Variants in AADACL4 observed in about 807,000 individuals in gnomAD.
The protein encoded by AADACL4 is arylacetamide deacetylase like 4.
AADACL4 carries 9 observed loss-of-function variants against 14.1 expected under a neutral mutation model. The ratio of observed to expected loss-of-function variants is 0.64; its 90% CI spans 0.39 to 1.12. AADACL4 has a LOEUF of 1.12. Ranked by LOEUF, AADACL4 falls within the 50% of genes most tolerant of loss-of-function variation. The pLI is 0.01. For missense variants in AADACL4, 531 were observed against 516.1 expected, an observed-to-expected ratio of 1.03 and a Z score of -0.28; for synonymous variants, 188 against 201.6, an observed-to-expected ratio of 0.93 and a Z score of 0.57.
Position 12,666,816 on chromosome 1 carries a change from T to C in AADACL4, c.*81T>C, listed in dbSNP as rs1465379884. The stretch of plus-strand genomic sequence containing the variant: ...GGGTGCTTTAGTGAGTTCTATTTTA[T>C]TGACTAAAGAGGTGCTACATCAATG... On this transcript the variant is annotated 3_prime_UTR_variant, in exon 4 of 4. Coordinates refer to ENST00000376221, the MANE Select transcript of AADACL4 (RefSeq NM_001013630.2). 1 of 1,384,134 alleles carries C rather than the reference T, an allele frequency of 7.2e-7. No individual in the cohort carries two copies. Among genetic ancestry groups the C allele is most frequent in the Non-Finnish European group, 9.7e-7 (1 of 1,025,878 alleles). The allele number at this position is 1,384,134 out of a possible 1,614,324, so 85.7% of individuals were successfully genotyped here.
At chr1:12,657,842 G>A (rs3010938) in intron 2 of AADACL4, among the ~76,000 whole-genome samples, 4,639 of 152,148 alleles carry the variant, frequency 0.03, 209 homozygotes, top group African/African-American at 0.1. Context: ...GGTCAAATCC[G>A]GTGCCATGTT....
chr1:12,647,523 G>A (rs1385155599), intron 1 of AADACL4, among the ~76,000 whole-genome samples: 1 of 152,168 alleles, frequency 6.6e-6, no homozygotes, highest in African/African-American at 2.4e-5. Context: ...TGCTTATCAA[G>A]TCCCTGAAGG....
chr1:12,651,431 C>T, intron 2 of AADACL4, 92 bp downstream of exon 2: 1 of 1,319,058 alleles, frequency 7.6e-7, no homozygotes, highest in South Asian at 1.3e-5. Context: ...TCTACAGTAG[C>T]TTAAAGGAAT....
At chr1:12,646,166 G>C (rs1647109951) in intron 1 of AADACL4, among the ~76,000 whole-genome samples, 1 of 152,184 alleles carries the variant, frequency 6.6e-6, no homozygotes, top group Admixed American at 6.5e-5. Context: ...AGCTGTGGAG[G>C]AGGATGAGGA....
chr1:12,665,976 T>G lies in AADACL4; in HGVS notation c.465T>G (p.Pro155=). The G allele has an allele frequency of 3.1e-6, 5 of 1,607,360 alleles. No individual in the cohort carries two copies. The highest frequency in any genetic ancestry group is 4.3e-6 in the Non-Finnish European group (5 of 1,175,020). Residue 155 remains proline, a synonymous_variant, in exon 4 of 4, where the codon CCT becomes CCG. Coordinates refer to ENST00000376221, the MANE Select transcript of AADACL4 (RefSeq NM_001013630.2). ...VLLMIGYRKL[P]DHHSPALFQD... The stretch of plus-strand genomic sequence containing the variant: ...TTCGTTTTAGGTACCGCAAGCTTCC[T>G]GACCACCATTCCCCTGCCCTTTTCC...
Position 12,651,237 on chromosome 1 carries a change from G to A in AADACL4, c.283G>A (p.Gly95Arg), listed in dbSNP as rs752009904. The A allele has an allele frequency of 1.9e-6, 3 of 1,614,206 alleles. No homozygotes were observed. Among genetic ancestry groups the A allele is most frequent in the Non-Finnish European group, 1.7e-6 (2 of 1,180,050 alleles). ...PELVVTDLRF[G>R]TIPVRLFQPK... ...ACTTGTGGTGACCGACCTGCGTTTT[G>A]GGACGATACCCGTGAGGCTGTTCCA... is the stretch of plus-strand genomic sequence containing the variant. The change falls in exon 2 of 4, where the codon GGG (glycine) becomes AGG (arginine). Residue 95 changes from glycine (G) to arginine (R), a missense_variant. Transcript: ENST00000376221.
At chr1:12,658,824 C>T (rs1647204637) in intron 2 of AADACL4, among the ~76,000 whole-genome samples, 1 of 152,112 alleles carries the variant, frequency 6.6e-6, no homozygotes, top group African/African-American at 2.4e-5. Flanking sequence ...TGTTAATTTT[C>T]TTCAGGTACT....
Position 12,651,108 on chromosome 1 carries a change from T to A in AADACL4, c.169-15T>A. On this transcript the variant is annotated splice_polypyrimidine_tract_variant and intron_variant, in intron 1 of 3. Transcript: ENST00000376221. ...CCTCTCCTAACGTCTGGCTTTCTTT[T>A]GTTACCTCCAACAGGGGAATATATT... 1 of 1,611,932 alleles carries A rather than the reference T, an allele frequency of 6.2e-7. No homozygotes were observed. Among genetic ancestry groups the A allele is most frequent in the Non-Finnish European group, 8.5e-7 (1 of 1,178,132 alleles).
intron 1 of AADACL4, among the ~76,000 whole-genome samples, chr1:12,645,617 A>G (rs1434506926): frequency 6.6e-6 from 1 of 151,976 alleles, no homozygotes; most frequent in Admixed American, 6.6e-5. Context: ...ATCATGGCTC[A>G]GTGCAGCCTC....
chr1:12,654,624 G>C (rs1337469387), intron 2 of AADACL4, among the ~76,000 whole-genome samples: 3 of 152,170 alleles, frequency 2.0e-5, no homozygotes, highest in African/African-American at 7.2e-5. Context: ...GGTTCAGTCA[G>C]GCTGGTGGGA....
chr1:12,661,751 C>T (rs773761962), intron 2 of AADACL4, 40 bp from the exon 3 acceptor site: 2 of 1,598,972 alleles, frequency 1.3e-6, no homozygotes, highest in Non-Finnish European at 1.7e-6. Flanking sequence ...GGTTTGGGTC[C>T]TACTCATGCG....
intron 2 of AADACL4, among the ~76,000 whole-genome samples, chr1:12,653,109 C>A (rs916236721): frequency 1.3e-5 from 2 of 152,126 alleles, no homozygotes; most frequent in Non-Finnish European, 2.9e-5. Context: ...CTTGGCCCCG[C>A]CTAGTGTAGG....
In AADACL4 at chr1:12,653,596, C is replaced by T. The variant is rs142034959; in HGVS notation, c.385+2257C>T. Among the ~76,000 whole-genome samples the T allele has an allele frequency of 4.6e-5, 7 of 152,330 alleles. No individual in the cohort carries two copies. The East Asian group carries it at 1.4e-3, about 29-fold the overall frequency. ...CCTTCTGAGTGGTTTATGCTCTGGT[C>T]CTGTTAGGGCCTCGTACAATGGCTT... On this transcript the variant is annotated intron_variant, in intron 2 of 3. Coordinates refer to ENST00000376221, the MANE Select transcript of AADACL4 (RefSeq NM_001013630.2).
At chr1:12,658,404 G>T (rs150993303) in intron 2 of AADACL4, among the ~76,000 whole-genome samples, 1 of 151,914 alleles carries the variant, frequency 6.6e-6, no homozygotes, top group South Asian at 2.1e-4. Context: ...GATTACAGGC[G>T]CGTGCCACCA....
At chr1:12,652,747 GT>G (rs908909184) in intron 2 of AADACL4, among the ~76,000 whole-genome samples, 4 of 152,098 alleles carry the variant, frequency 2.6e-5, no homozygotes, top group Non-Finnish European at 5.9e-5. Context: ...CAAATATGGT[GT>G]CCCCATAACT....
In AADACL4 at chr1:12,664,738, T is replaced by C. The variant is rs1317760173; in HGVS notation, c.450-1223T>C. ...AACTTAACATTTAAGAGAACAATTA[T>C]TTAGATAAACTCTCTACTCCAATCA... On this transcript the variant is annotated intron_variant, in intron 3 of 3. Transcript: ENST00000376221. Among the ~76,000 whole-genome samples the C allele has an allele frequency of 2.6e-5, 4 of 152,366 alleles. No individual in the cohort carries two copies. The East Asian group carries it at 5.8e-4, about 22-fold the overall frequency.
intron 3 of AADACL4, among the ~76,000 whole-genome samples, chr1:12,665,222 T>A (rs1647295944): frequency 6.6e-6 from 1 of 152,016 alleles, no homozygotes; most frequent in Non-Finnish European, 1.5e-5. Context: ...GATTTTTGAT[T>A]TTTTTTCGTT....
chr1:12,665,523 C>A (rs1380404363), intron 3 of AADACL4, among the ~76,000 whole-genome samples: 4 of 152,170 alleles, frequency 2.6e-5, no homozygotes, highest in Non-Finnish European at 4.4e-5. Flanking sequence ...CCGTGCCCGG[C>A]CTAGATTTTT....
At chr1:12,652,572 GA>G (rs1329310069) in intron 2 of AADACL4, among the ~76,000 whole-genome samples, 1 of 152,178 alleles carries the variant, frequency 6.6e-6, no homozygotes, top group Non-Finnish European at 1.5e-5. Flanking sequence ...TGTTGCAAAG[GA>G]AAAAGCACAC....
Sources: allele counts gnomAD v4.1 joint callset (sites outside exome capture counted in the v4.1 genomes callset), GRCh38; gene constraint gnomAD v4.1.1; transcripts MANE v1.5; gene names NCBI Gene and HGNC (gene_info 2026-07-23, HGNC 2026-07-21).